The following EPDR1 variants were observed in gnomAD, a reference collection of about 807,000 sequenced individuals.
EPDR1 encodes mammalian ependymin-related protein 1.
A neutral mutation model predicts 23.7 loss-of-function variants in EPDR1; 27 were observed. The ratio of observed to expected loss-of-function variants is 1.14; its 90% CI spans 0.84 to 1.57. The LOEUF (loss-of-function observed/expected upper bound fraction) is 1.57, where lower values mean the gene tolerates loss of function less well. Among genes scored for constraint, EPDR1 ranks in the 40% most tolerant of loss-of-function variants. The pLI is 0.00. For synonymous variants in EPDR1, 137 were observed against 118.2 expected (o/e 1.16, Z -1.03); for missense variants, 349 against 290.4 (o/e 1.20, Z -1.47).
chr7:37,932,046 T>A (rs544483179), intron 1 of EPDR1, among the ~76,000 whole-genome samples: 1 of 152,292 alleles, frequency 6.6e-6, no homozygotes, highest in East Asian at 1.9e-4. Context: ...TTTGATACTC[T>A]GCTTTTTTGT....
intron 1 of EPDR1, among the ~76,000 whole-genome samples, chr7:37,942,646 A>G (rs867722368): frequency 4.6e-5 from 7 of 152,308 alleles, no homozygotes; most frequent in South Asian, 2.1e-4. Context: ...ACATAAAGAC[A>G]TATTTAGAAG....
chr7:37,934,441 C>CT (rs1186631059), intron 1 of EPDR1, among the ~76,000 whole-genome samples: 18 of 143,400 alleles, frequency 1.3e-4, no homozygotes, highest in Non-Finnish European at 2.7e-4. Flanking sequence ...AAGGACTCTC[C>CT]TCTTTTTTTT....
At chr7:37,936,678 C>T (rs1786060368) in intron 1 of EPDR1, among the ~76,000 whole-genome samples, 1 of 151,954 alleles carries the variant, frequency 6.6e-6, no homozygotes, top group Admixed American at 6.6e-5. Context: ...AATAACCTTG[C>T]TAGAATGATA....
rs369298745 is a variant in EPDR1, at chr7:37,932,912, T to G, written c.269+11704T>G. Among the ~76,000 whole-genome samples, 29 of 152,284 alleles carry G rather than the reference T, an allele frequency of 1.9e-4. 1 individual carries two copies. In the East Asian group the frequency reaches 4.1e-3, roughly 22 times the overall value. Reference sequence around the variant, plus strand: ...AAAAGCTCTTCAATTTCTCAAGCACTTTTTTCATCTTTTGAACTGGAATCC... The same window carrying G: ...AAAAGCTCTTCAATTTCTCAAGCACGTTTTTCATCTTTTGAACTGGAATCC... On this transcript the variant is annotated intron_variant, in intron 1 of 2. Transcript: ENST00000199448.
chr7:37,948,717 A>G, intron 1 of EPDR1, 123 bp from the exon 2 acceptor site: 1 of 709,878 alleles, frequency 1.4e-6, no homozygotes, highest in Non-Finnish European at 2.4e-6. Flanking sequence ...ACGTTAAGTG[A>G]TTGCCTAGCT....
intron 1 of EPDR1, among the ~76,000 whole-genome samples, chr7:37,942,319 C>T (rs1011674480): frequency 1.3e-5 from 2 of 152,078 alleles, no homozygotes; most frequent in African/African-American, 4.8e-5. Flanking sequence ...CATGCTACAG[C>T]GCAGATAAAC....
chr7:37,948,138 A>G (rs947503899), intron 1 of EPDR1, among the ~76,000 whole-genome samples: 1 of 152,060 alleles, frequency 6.6e-6, no homozygotes, highest in Non-Finnish European at 1.5e-5. Flanking sequence ...GTATACCCCC[A>G]TAATTCCTTG....
At chr7:37,921,961 G>T (rs1299386433) in intron 1 of EPDR1, among the ~76,000 whole-genome samples, 1 of 151,882 alleles carries the variant, frequency 6.6e-6, no homozygotes, top group African/African-American at 2.4e-5. Context: ...TTTAAGTATT[G>T]GTCTGACCAT....
Position 37,951,182 on chromosome 7 carries a change from T to A in EPDR1, c.*786T>A, listed in dbSNP as rs1176186203. 1.3e-5 allele frequency: 2 copies of A among 152,234 alleles called. No homozygotes were observed. Among genetic ancestry groups the A allele is most frequent in the Non-Finnish European group, 2.9e-5 (2 of 68,040 alleles). The allele number at this position is 152,234 out of a possible 1,614,324, so 9.4% of individuals were successfully genotyped here. A position where few individuals can be genotyped will look rare whatever the true frequency, so the allele number is the denominator to read the frequency against. ...CACAGACTTGTCAATACACAGGCAG[T>A]ATTCTAAAATAGCACTGAACAGGGA... On this transcript the variant is annotated 3_prime_UTR_variant, in exon 3 of 3. Transcript: ENST00000199448.
Position 37,950,274 on chromosome 7 carries a change from G to GTGATAT in EPDR1, c.556_561dup (p.Ile186_Leu187dup), listed in dbSNP as rs754527960. The GTGATAT allele has an allele frequency of 1.2e-6, 2 of 1,613,992 alleles. No individual in the cohort carries two copies. The highest frequency in any genetic ancestry group is 1.7e-6 in the Non-Finnish European group (2 of 1,180,036). On this transcript the variant is annotated inframe_insertion, in exon 3 of 3. Coordinates refer to ENST00000199448, the MANE Select transcript of EPDR1 (RefSeq NM_017549.5). ...GGAAACCTTTACCATAAACTACAGTGTGATATTGTCTACGCGGTTTTTTGA... is the reference window on the plus strand; with the variant it reads ...GGAAACCTTTACCATAAACTACAGTGTGATATTGATATTGTCTACGCGGTTTTTTGA...
intron 1 of EPDR1, among the ~76,000 whole-genome samples, chr7:37,924,493 A>G (rs1785777997): frequency 1.3e-5 from 2 of 152,184 alleles, no homozygotes; most frequent in Non-Finnish European, 2.9e-5. Context: ...CCATGACTCC[A>G]TGACTGACTA....
chr7:37,931,817 G>A (rs368530158), intron 1 of EPDR1, among the ~76,000 whole-genome samples: 4 of 152,052 alleles, frequency 2.6e-5, no homozygotes, highest in African/African-American at 9.7e-5. Flanking sequence ...TCCTGCCTTA[G>A]CCTCCCGAGT....
intron 1 of EPDR1, among the ~76,000 whole-genome samples, chr7:37,946,348 A>G (rs777257074): frequency 6.6e-6 from 1 of 152,188 alleles, no homozygotes; most frequent in Non-Finnish European, 1.5e-5. Context: ...ACTCCCATCA[A>G]CAGTGTAAAA....
At chr7:37,929,989 C>A (rs1341721997) in intron 1 of EPDR1, among the ~76,000 whole-genome samples, 2 of 152,146 alleles carry the variant, frequency 1.3e-5, no homozygotes, top group East Asian at 1.9e-4. Context: ...GGAATCAGAT[C>A]CTTAGCAGGG....
intron 1 of EPDR1, among the ~76,000 whole-genome samples, chr7:37,922,737 G>T (rs1038234773): frequency 6.6e-6 from 1 of 152,014 alleles, no homozygotes; most frequent in African/African-American, 2.4e-5. Context: ...ATTTGTTCAT[G>T]TTAGGCACTG....
chr7:37,930,826 T>C (rs1785922319), intron 1 of EPDR1, among the ~76,000 whole-genome samples: 1 of 152,362 alleles, frequency 6.6e-6, no homozygotes, highest in Middle Eastern at 3.4e-3. Flanking sequence ...TCTTTCATCA[T>C]GCTGAATCAA....
At chr7:37,923,902 T>C (rs928611016) in intron 1 of EPDR1, among the ~76,000 whole-genome samples, 1 of 152,226 alleles carries the variant, frequency 6.6e-6, no homozygotes, top group Non-Finnish European at 1.5e-5. Context: ...ACGCACAAGA[T>C]GCTCTGTTCA....
intron 1 of EPDR1, among the ~76,000 whole-genome samples, chr7:37,945,501 G>C (rs974130428): frequency 6.6e-6 from 1 of 152,128 alleles, no homozygotes; most frequent in East Asian, 1.9e-4. Flanking sequence ...ATAATACAAT[G>C]ATGTGCTTCA....
intron 1 of EPDR1, among the ~76,000 whole-genome samples, chr7:37,937,142 C>G (rs1786069490): frequency 6.6e-6 from 1 of 152,138 alleles, no homozygotes; most frequent in Non-Finnish European, 1.5e-5. Flanking sequence ...GGTGGCATCT[C>G]AAATCACTGG....
Sources: gnomAD v4.1 joint callset for allele counts (sites outside exome capture counted in the v4.1 genomes callset) on GRCh38, gnomAD v4.1.1 for gene constraint, MANE v1.5 for transcripts, NCBI Gene and HGNC (gene_info 2026-07-23, HGNC 2026-07-21) for gene names.